NRG3: variants seen among roughly 807,000 people sequenced by gnomAD.
NRG3 encodes pro-neuregulin-3, membrane-bound isoform.
NRG3 carries 31 observed loss-of-function variants against 66.9 expected under a neutral mutation model. The observed-to-expected ratio is 0.46, with a 90% CI of 0.35 to 0.63. The LOEUF is 0.63. NRG3 is among the 20% of genes least tolerant of loss of function. The pLI, the probability that NRG3 is intolerant of heterozygous loss-of-function variation, is 0.00. For missense variants in NRG3, 910 were observed against 878.9 expected (o/e 1.04, Z -0.45); for synonymous variants, 393 against 359.4 (o/e 1.09, Z -1.06).
intron 2 of NRG3, among the ~76,000 whole-genome samples, chr10:82,419,856 A>C (rs1247008627): frequency 6.6e-6 from 1 of 152,100 alleles, no homozygotes; most frequent in Non-Finnish European, 1.5e-5. Flanking sequence ...AGGTTTGTTT[A>C]CAGAGTTGTA....
At chr10:82,528,514 G>T (rs184962283) in intron 2 of NRG3, among the ~76,000 whole-genome samples, 2 of 152,176 alleles carry the variant, frequency 1.3e-5, no homozygotes, top group South Asian at 4.2e-4. Flanking sequence ...GGTTTCCAAG[G>T]TCTCCTCTAC....
At chr10:82,451,898 G>A (rs990976374) in intron 2 of NRG3, among the ~76,000 whole-genome samples, 4 of 151,856 alleles carry the variant, frequency 2.6e-5, no homozygotes, top group South Asian at 2.1e-4. Flanking sequence ...ATTTCATCCA[G>A]GATAAAAAAA....
chr10:82,457,895 C>T (rs201986434), intron 2 of NRG3, among the ~76,000 whole-genome samples: 18 of 152,302 alleles, frequency 1.2e-4, no homozygotes, highest in African/African-American at 4.3e-4. Flanking sequence ...CTAAGAAAAT[C>T]TTAAGGAGGG....
At chr10:82,236,710 C>CTTTTTTTTTTTTTTTTTTTTTTTTTTTTT (rs370359467) in intron 1 of NRG3, among the ~76,000 whole-genome samples, 1 of 93,508 alleles carries the variant, frequency 1.1e-5, no homozygotes. Flanking sequence ...AAAACTAGAA[C>CTTTTTTTTTTTTTTTTTTTTTTTTTTTTT]TTTTTTTTTT....
At chr10:82,794,516 G>T (rs539229802) in intron 3 of NRG3, among the ~76,000 whole-genome samples, 1 of 152,186 alleles carries the variant, frequency 6.6e-6, no homozygotes, top group African/African-American at 2.4e-5. Context: ...AGCCTAATCT[G>T]CTCATTTGTT....
At chr10:82,971,135 G>T (rs1475962295) in intron 6 of NRG3, among the ~76,000 whole-genome samples, 1 of 152,044 alleles carries the variant, frequency 6.6e-6, no homozygotes, top group Non-Finnish European at 1.5e-5. Flanking sequence ...TTAATAGAAT[G>T]AGAACTCACT....
intron 1 of NRG3, among the ~76,000 whole-genome samples, chr10:82,201,541 A>G (rs1181959966): frequency 6.6e-6 from 1 of 152,178 alleles, no homozygotes; most frequent in Non-Finnish European, 1.5e-5. Flanking sequence ...TTCTTGAACA[A>G]TAGTGACCAT....
chr10:82,743,581 G>T (rs367967657), intron 3 of NRG3, among the ~76,000 whole-genome samples: 36 of 152,116 alleles, frequency 2.4e-4, no homozygotes, highest in African/African-American at 8.7e-4. Flanking sequence ...CTTCCAAATG[G>T]CCTGCAGAGA....
At chr10:82,052,940 C>A (rs930291344) in intron 1 of NRG3, among the ~76,000 whole-genome samples, 4 of 151,988 alleles carry the variant, frequency 2.6e-5, no homozygotes, top group African/African-American at 9.7e-5. Flanking sequence ...ATGAAACAAG[C>A]AAGCTAAGAG....
At chr10:82,055,458 CAG>C (rs1712591407) in intron 1 of NRG3, among the ~76,000 whole-genome samples, 1 of 133,426 alleles carries the variant, frequency 7.5e-6, no homozygotes, top group Non-Finnish European at 1.5e-5. Context: ...GCCTGGGCGA[CAG>C]AGTGAGACTC....
intron 2 of NRG3, among the ~76,000 whole-genome samples, chr10:82,516,235 A>G (rs1473045428): frequency 6.6e-6 from 1 of 152,044 alleles, no homozygotes; most frequent in Admixed American, 6.6e-5. Flanking sequence ...AGGTTTGTCT[A>G]TGACATTCTC....
At chr10:82,953,247 T>C (rs1477053821) in intron 5 of NRG3, among the ~76,000 whole-genome samples, 3 of 151,978 alleles carry the variant, frequency 2.0e-5, no homozygotes, top group Non-Finnish European at 4.4e-5. Context: ...GAAATCAGAG[T>C]TGTGCATTAT....
At chr10:82,744,926 T>C (rs1591387803) in intron 3 of NRG3, among the ~76,000 whole-genome samples, 3 of 152,262 alleles carry the variant, frequency 2.0e-5, no homozygotes, top group East Asian at 3.9e-4. Flanking sequence ...TTGTTTCAAC[T>C]GTCACCTTGA....
intron 1 of NRG3, among the ~76,000 whole-genome samples, chr10:81,969,774 T>A (rs7075841): frequency 2.6e-4 from 24 of 93,812 alleles, no homozygotes; most frequent in Non-Finnish European, 3.7e-4. Flanking sequence ...ACATTTTGAG[T>A]GTGTGTGTGT....
chr10:82,073,107 A>G (rs1473321790), intron 1 of NRG3, among the ~76,000 whole-genome samples: 1 of 146,142 alleles, frequency 6.8e-6, no homozygotes, highest in Non-Finnish European at 1.5e-5. Context: ...AAAATTAGGA[A>G]GAAGTGAAAA....
intron 1 of NRG3, among the ~76,000 whole-genome samples, chr10:82,346,712 G>T (rs1333717640): frequency 6.6e-6 from 1 of 151,332 alleles, no homozygotes; most frequent in African/African-American, 2.4e-5. Context: ...TTTTTGGTTG[G>T]TAAGCTATTG....
intron 1 of NRG3, among the ~76,000 whole-genome samples, chr10:82,226,618 T>C (rs1024424227): frequency 8.5e-5 from 13 of 152,292 alleles, no homozygotes; most frequent in African/African-American, 2.9e-4. Flanking sequence ...ATAGCAAATA[T>C]TGACTGGGTT....
chr10:81,912,375 C>G (rs1163197212), intron 1 of NRG3, among the ~76,000 whole-genome samples: 1 of 152,074 alleles, frequency 6.6e-6, no homozygotes, highest in Non-Finnish European at 1.5e-5. Flanking sequence ...GTGTGTAACA[C>G]CAAACCTGGT....
intron 2 of NRG3, among the ~76,000 whole-genome samples, chr10:82,635,735 T>A (rs549307879): frequency 6.6e-6 from 1 of 152,266 alleles, no homozygotes; most frequent in East Asian, 1.9e-4. Context: ...TGTTCTCTTC[T>A]CCTTTCCCTT....
Sources: allele counts gnomAD v4.1 joint callset (sites outside exome capture counted in the v4.1 genomes callset), GRCh38; gene constraint gnomAD v4.1.1; transcripts MANE v1.5; gene names NCBI Gene and HGNC (gene_info 2026-07-23, HGNC 2026-07-21).